The following DPP10 variants were observed in gnomAD, a reference collection of about 807,000 sequenced individuals.
The protein encoded by DPP10 is dipeptidyl peptidase like 10.
A neutral mutation model predicts 120.9 loss-of-function variants in DPP10; 33 were observed. The ratio of observed to expected loss-of-function variants is 0.27; its 90% CI spans 0.21 to 0.37. The LOEUF is 0.37. Ranked by LOEUF, DPP10 falls within the 10% of genes least tolerant of loss-of-function variation. The pLI, the probability that DPP10 is intolerant of heterozygous loss-of-function variation, is 1.00. For synonymous variants in DPP10, 337 were observed against 326.1 expected (o/e 1.03, Z -0.36); for missense variants, 816 against 942.8 (o/e 0.87, Z 1.76).
rs766106470 is a variant in DPP10 at position 114,951,989 on chromosome 2, TAAC to T, written c.61-357247_61-357245del. Among the ~76,000 whole-genome samples, 18 of 152,076 alleles carry T rather than the reference TAAC, an allele frequency of 1.2e-4. No individual in the cohort carries two copies. In the South Asian group the frequency reaches 2.5e-3, roughly 21 times the overall value. On this transcript the variant is annotated intron_variant, in intron 1 of 25. Transcript: ENST00000410059. ...AAAACATCAAACAAATGTTTTGGCT[TAAC>T]AATAATTATTACATAAGTACTATAT...
rs1420999809 is a variant in DPP10, at chr2:114,950,189, A to T, written c.61-359050A>T. On this transcript the variant is annotated intron_variant, in intron 1 of 25. Coordinates refer to ENST00000410059, the MANE Select transcript of DPP10 (RefSeq NM_020868.6). ...TAAACTCAGACAATGTATTTCAGTGATATGTTTTCCTTTATCATCTTTAGA... is the reference window on the plus strand; with the variant it reads ...TAAACTCAGACAATGTATTTCAGTGTTATGTTTTCCTTTATCATCTTTAGA... Among the ~76,000 whole-genome samples the T allele has an allele frequency of 4.0e-5, 6 of 151,594 alleles. No individual in the cohort carries two copies. The South Asian group carries it at 1.2e-3, about 32-fold the overall frequency.
intron 1 of DPP10, among the ~76,000 whole-genome samples, chr2:115,256,360 T>C (rs2058987208): frequency 6.6e-6 from 1 of 152,190 alleles, no homozygotes; most frequent in Non-Finnish European, 1.5e-5. Flanking sequence ...GTGGGGATTA[T>C]GGGGACTACA....
At chr2:114,733,763 A>T (rs1015752710) in intron 1 of DPP10, among the ~76,000 whole-genome samples, 1 of 152,196 alleles carries the variant, frequency 6.6e-6, no homozygotes, top group Non-Finnish European at 1.5e-5. Flanking sequence ...TGCTGTTTTC[A>T]AATGTAATTA....
chr2:114,707,713 TA>T (rs1700772528), intron 1 of DPP10, among the ~76,000 whole-genome samples: 1 of 152,142 alleles, frequency 6.6e-6, no homozygotes. Flanking sequence ...GTGCCCAGCT[TA>T]ATTTCTGTTC....
chr2:115,306,026 G>A (rs2061346414), intron 1 of DPP10, among the ~76,000 whole-genome samples: 1 of 151,842 alleles, frequency 6.6e-6, no homozygotes, highest in Admixed American at 6.6e-5. Context: ...TTTTTTTTAT[G>A]AGTTATTTTA....
At chr2:114,446,023 A>T (rs550462077) in intron 1 of DPP10, among the ~76,000 whole-genome samples, 20 of 152,256 alleles carry the variant, frequency 1.3e-4, no homozygotes, top group African/African-American at 3.9e-4. Context: ...CATTCTTTTA[A>T]AAAAAATCTT....
At chr2:115,002,918 G>A (rs1031368099) in intron 1 of DPP10, among the ~76,000 whole-genome samples, 1 of 152,066 alleles carries the variant, frequency 6.6e-6, no homozygotes, top group East Asian at 1.9e-4. Flanking sequence ...TGATGGGAGT[G>A]TAAATTAGTT....
At chr2:115,205,152 A>G (rs2056033370) in intron 1 of DPP10, among the ~76,000 whole-genome samples, 2 of 152,174 alleles carry the variant, frequency 1.3e-5, no homozygotes, top group South Asian at 4.1e-4. Flanking sequence ...GGACTTAGTC[A>G]TAGATTCTTT....
intron 1 of DPP10, among the ~76,000 whole-genome samples, chr2:115,216,894 TAC>T (rs1482369622): frequency 6.6e-6 from 1 of 151,960 alleles, no homozygotes; most frequent in Non-Finnish European, 1.5e-5. Context: ...TATATGTGTA[TAC>T]GTATACACAT....
intron 10 of DPP10, among the ~76,000 whole-genome samples, chr2:115,752,488 T>C (rs1245491149): frequency 2.0e-5 from 3 of 152,190 alleles, no homozygotes; most frequent in African/African-American, 7.2e-5. Context: ...ACTCCCATCT[T>C]CTTTAATTTG....
intron 1 of DPP10, among the ~76,000 whole-genome samples, chr2:114,805,700 G>A (rs1161113050): frequency 1.3e-5 from 2 of 152,178 alleles, no homozygotes; most frequent in Non-Finnish European, 2.9e-5. Context: ...AGCTCTGCTT[G>A]TGGGAGACAC....
chr2:115,279,655 CTTTTTTTTTT>C lies in DPP10; in HGVS notation c.61-29566_61-29557del, dbSNP rs70941039. Among the ~76,000 whole-genome samples the C allele has an allele frequency of 5.4e-4, 23 of 42,718 alleles. 1 individual carries two copies. The South Asian group carries it at 0.015, about 28-fold the overall frequency. 28.0% of individuals were successfully genotyped at this position (42,718 alleles called of 152,430 possible). A position where few individuals can be genotyped will look rare whatever the true frequency, so the allele number is the denominator to read the frequency against. Reference sequence around the variant, plus strand: ...TTTCTTTCTTTCTTTTTTTCTTCTTCTTTTTTTTTTTTTTTTTTTTTTTTTTTGGAGACAG... The same window carrying C: ...TTTCTTTCTTTCTTTTTTTCTTCTTCTTTTTTTTTTTTTTTTTGGAGACAG... On this transcript the variant is annotated intron_variant, in intron 1 of 25. Transcript: ENST00000410059.
At position 115,836,182 on chromosome 2, in the gene DPP10, T is replaced by G. The variant is rs145011952; in HGVS notation, c.1976T>G (p.Met659Arg). Residue 659 changes from methionine (M) to arginine (R), a missense_variant, in exon 22 of 26, where the codon ATG becomes AGG. This residue lies in a region of DPP10 where 592 missense variants were observed against 649.0 expected (regional missense o/e 0.91). Transcript: ENST00000410059. ...GKGYGGYIAS[M>R]ILKSDEKLFK... The stretch of plus-strand genomic sequence containing the variant: ...GGTTATGGTGGCTATATTGCATCAA[T>G]GATCTTAAAATCAGATGAAAAGCTT... 1.6e-5 allele frequency: 26 copies of G among 1,603,192 alleles called. No individual in the cohort carries two copies. Among genetic ancestry groups the G allele is most frequent in the Non-Finnish European group, 1.9e-5 (22 of 1,175,912 alleles).
chr2:114,812,706 CCA>C (rs370176757), intron 1 of DPP10, among the ~76,000 whole-genome samples: 18 of 152,030 alleles, frequency 1.2e-4, no homozygotes, highest in East Asian at 1.2e-3. Context: ...ACTTTCACCT[CCA>C]CAGTCTTTTG....
At chr2:114,935,878 A>T (rs1428370059) in intron 1 of DPP10, among the ~76,000 whole-genome samples, 1 of 151,584 alleles carries the variant, frequency 6.6e-6, no homozygotes, top group Non-Finnish European at 1.5e-5. Flanking sequence ...TTTTTTTTTA[A>T]ATCAGTATCC....
chr2:115,763,323 C>G (rs1048059113), intron 12 of DPP10, among the ~76,000 whole-genome samples: 2 of 151,988 alleles, frequency 1.3e-5, no homozygotes, highest in Non-Finnish European at 2.9e-5. Flanking sequence ...TCACATTTAT[C>G]CAGACACTTC....
At chr2:115,481,763 A>G (rs1246393526) in intron 3 of DPP10, among the ~76,000 whole-genome samples, 2 of 152,052 alleles carry the variant, frequency 1.3e-5, no homozygotes, top group Non-Finnish European at 2.9e-5. Context: ...ATCTTGTACT[A>G]TGTATCATTA....
chr2:115,332,214 A>G (rs558817560), intron 2 of DPP10, among the ~76,000 whole-genome samples: 2 of 152,180 alleles, frequency 1.3e-5, no homozygotes, highest in Admixed American at 1.3e-4. Context: ...ATTTGCATAG[A>G]GGTGTTTATA....
chr2:114,523,340 C>G (rs1014503214), intron 1 of DPP10, among the ~76,000 whole-genome samples: 9 of 152,244 alleles, frequency 5.9e-5, no homozygotes, highest in African/African-American at 1.9e-4. Context: ...CTAGATGGCT[C>G]GACTTCCATG....
Sources: allele counts gnomAD v4.1 joint callset (sites outside exome capture counted in the v4.1 genomes callset), GRCh38; gene constraint gnomAD v4.1.1; regional missense constraint gnomAD v4.1.1; transcripts MANE v1.5; gene names NCBI Gene and HGNC (gene_info 2026-07-23, HGNC 2026-07-21).